IL6ST: variants seen among roughly 807,000 people sequenced by gnomAD.
The protein encoded by IL6ST is interleukin-6 receptor subunit beta.
IL6ST carries 24 observed loss-of-function variants against 91.3 expected under a neutral mutation model. That is an observed-to-expected ratio of 0.26 (90% CI 0.19 to 0.37). IL6ST has a LOEUF of 0.37. IL6ST is among the 10% of genes least tolerant of loss of function. The pLI is 1.00. For synonymous variants in IL6ST, 351 were observed against 373.6 expected, an observed-to-expected ratio of 0.94 and a Z score of 0.70; for missense variants, 914 against 1,078.5, an observed-to-expected ratio of 0.85 and a Z score of 2.14.
intron 14 of IL6ST, among the ~76,000 whole-genome samples, chr5:55,950,426 C>T (rs1482792143): frequency 5.4e-5 from 8 of 147,274 alleles, no homozygotes; most frequent in East Asian, 2.1e-4. Flanking sequence ...ACCCCAGCTA[C>T]GTGGGAGGCT....
rs1750508112 is a variant in IL6ST at position 55,936,105 on chromosome 5, T to C, written c.*4977A>G. The C allele has an allele frequency of 4.4e-6, 1 of 228,610 alleles. No homozygotes were observed. The highest frequency in any genetic ancestry group is 2.2e-5 in the African/African-American group (1 of 45,086). The allele number at this position is 228,610 out of a possible 1,614,324, so 14.2% of individuals were successfully genotyped here. ...TACATTTTTTTAGACAAAATCACAA[T>C]GTGAAGGCACATTAATAGTTGAGAT... On this transcript the variant is annotated 3_prime_UTR_variant, in exon 17 of 17. Coordinates refer to ENST00000381298, the MANE Select transcript of IL6ST (RefSeq NM_002184.4).
rs1046072990 is a variant in IL6ST, at chr5:55,960,476, C to T, written c.899G>A (p.Arg300His). 8 of 1,613,814 alleles carry T rather than the reference C, an allele frequency of 5.0e-6. No homozygotes were observed. Among genetic ancestry groups the T allele is most frequent in the Non-Finnish European group, 6.8e-6 (8 of 1,179,884 alleles). Residue 300 changes from arginine (R) to histidine (H), a missense_variant, in exon 8 of 17, where the codon CGC becomes CAC. Arg to His is a conservative substitution (Grantham distance 29). Transcript: ENST00000381298. Reference sequence around the variant, plus strand: ...TCCCTTACCATCTTCCTTCATACAGCGAATCCTAAACACATATTCTGTAAA... The same window carrying T: ...TCCCTTACCATCTTCCTTCATACAGTGAATCCTAAACACATATTCTGTAAA... ...KPFTEYVFRI[R>H]CMKEDGKGYW...
Position 55,957,233 on chromosome 5 carries a change from GTA to G in IL6ST, c.1030_1031del (p.Tyr344GlnfsTer14). ...YKIDPSHTQGYRTVQLVWKTL... is the reference protein window; with the variant it reads ...YKIDPSHTQGXRTVQLVWKTL... ...CCTTCCACACGAGTTGTACAGTTCT[GTA>G]GCCTTGAGTATGGGATGGATCTATT... On this transcript the variant is annotated frameshift_variant, in exon 9 of 17. Coordinates refer to ENST00000381298, the MANE Select transcript of IL6ST (RefSeq NM_002184.4). LOFTEE classifies it high-confidence loss of function. 6.4e-7 allele frequency: 1 copy of G among 1,556,732 alleles called. No individual in the cohort carries two copies. Among genetic ancestry groups the G allele is most frequent in the South Asian group, 1.2e-5 (1 of 84,766 alleles).
rs1405111670 is a variant in IL6ST, at chr5:55,940,094, G to A, written c.*988C>T. The stretch of plus-strand genomic sequence containing the variant: ...ACTGTATAAAGTGTTCATCTACCCA[G>A]TACTCTGAAGTCTTAAGAAAAGTCA... On this transcript the variant is annotated 3_prime_UTR_variant, in exon 17 of 17. Coordinates refer to ENST00000381298, the MANE Select transcript of IL6ST (RefSeq NM_002184.4). 2 of 196,380 alleles carry A rather than the reference G, an allele frequency of 1.0e-5. No individual in the cohort carries two copies. Among genetic ancestry groups the A allele is most frequent in the African/African-American group, 4.6e-5 (2 of 43,092 alleles). The allele number at this position is 196,380 out of a possible 1,614,324, so 12.2% of individuals were successfully genotyped here.
rs1000725475 is a variant in IL6ST, at chr5:55,976,296, G to C, written c.-15-3C>G. 1.3e-6 allele frequency: 2 copies of C among 1,549,748 alleles called. No homozygotes were observed. The highest frequency in any genetic ancestry group is 2.8e-5 in the African/African-American group (2 of 72,502). Reference sequence around the variant, plus strand: ...GTCAACATCTTGCGCGGATATTTCTGCAACAGACACATGTAATATTACTTT... The same window carrying C: ...GTCAACATCTTGCGCGGATATTTCTCCAACAGACACATGTAATATTACTTT... On this transcript the variant is annotated splice_polypyrimidine_tract_variant and splice_region_variant and intron_variant, in intron 2 of 16. Transcript: ENST00000381298.
Position 55,939,597 on chromosome 5 carries a change from T to C in IL6ST, c.*1485A>G, listed in dbSNP as rs10940492. 16,853 of 203,034 alleles carry C rather than the reference T, an allele frequency of 0.083. 959 individuals carry two copies. Among genetic ancestry groups the C allele is most frequent in the Middle Eastern group, 0.13 (76 of 606 alleles). 12.6% of individuals were successfully genotyped at this position (203,034 alleles called of 1,614,324 possible). On this transcript the variant is annotated 3_prime_UTR_variant, in exon 17 of 17. Coordinates refer to ENST00000381298, the MANE Select transcript of IL6ST (RefSeq NM_002184.4). The stretch of plus-strand genomic sequence containing the variant: ...AACTTAAATATGGCATAAAAACCTG[T>C]TTCCTTTGAATTCACTTGATAGCAG...
rs1750798217 is a variant in IL6ST, at chr5:55,940,133, G to GTATACGTGTGTGTA, written c.*948_*949insTACACACACGTATA. The GTATACGTGTGTGTA allele has an allele frequency of 5.5e-6, 1 of 182,056 alleles. No homozygotes were observed. The highest frequency in any genetic ancestry group is 3.2e-5 in the African/African-American group (1 of 31,274). The allele number at this position is 182,056 out of a possible 1,614,324, so 11.3% of individuals were successfully genotyped here. On this transcript the variant is annotated 3_prime_UTR_variant, in exon 17 of 17. Coordinates refer to ENST00000381298, the MANE Select transcript of IL6ST (RefSeq NM_002184.4). ...TAAGAAAAGTCAATGATATGTGTGT[G>GTATACGTGTGTGTA]TATATATATATATATATATACACAC... is the stretch of plus-strand genomic sequence containing the variant.
At chr5:55,982,225 A>T (rs1753713403) in intron 2 of IL6ST, among the ~76,000 whole-genome samples, 1 of 152,142 alleles carries the variant, frequency 6.6e-6, no homozygotes, top group Non-Finnish European at 1.5e-5. Context: ...TAACCTAAGG[A>T]TGAAATAAAA....
chr5:55,968,606 C>G (rs1752774874), intron 4 of IL6ST, among the ~76,000 whole-genome samples: 1 of 152,192 alleles, frequency 6.6e-6, no homozygotes, highest in Non-Finnish European at 1.5e-5. Context: ...TACATCCATC[C>G]TAACTGTCAT....
intron 15 of IL6ST, among the ~76,000 whole-genome samples, chr5:55,945,332 T>A (rs1454534525): frequency 6.6e-6 from 1 of 152,086 alleles, no homozygotes; most frequent in African/African-American, 2.4e-5. Context: ...AGTGAGAGTA[T>A]GGAAATAGAT....
rs1332047328 is a variant in IL6ST at position 55,939,117 on chromosome 5, A to G, written c.*1965T>C. ...GTCATGTGACTTAAATTTTGAGAAAATGGAAAATGTAATAGGTATAAATTT... is the reference window on the plus strand; with the variant it reads ...GTCATGTGACTTAAATTTTGAGAAAGTGGAAAATGTAATAGGTATAAATTT... On this transcript the variant is annotated 3_prime_UTR_variant, in exon 17 of 17. Transcript: ENST00000381298. The G allele has an allele frequency of 2.9e-5, 6 of 207,898 alleles. No individual in the cohort carries two copies. The highest frequency in any genetic ancestry group is 5.9e-5 in the Admixed American group (1 of 16,894). The allele number at this position is 207,898 out of a possible 1,614,324, so 12.9% of individuals were successfully genotyped here. A position where few individuals can be genotyped will look rare whatever the true frequency, so the allele number is the denominator to read the frequency against.
chr5:55,989,090 T>C (rs1754161612), intron 1 of IL6ST, among the ~76,000 whole-genome samples: 1 of 150,104 alleles, frequency 6.7e-6, no homozygotes, highest in Admixed American at 6.6e-5. Context: ...AGCCAAGATC[T>C]TGCCATTGTA....
At chr5:55,959,050 G>C (rs916182823) in intron 8 of IL6ST, among the ~76,000 whole-genome samples, 3 of 151,682 alleles carry the variant, frequency 2.0e-5, no homozygotes, top group Admixed American at 6.6e-5. Flanking sequence ...ATTATGAGCT[G>C]GAAATATTTC....
rs1411463912 is a variant in IL6ST, at chr5:55,941,572, G to A, written c.2267C>T (p.Thr756Ile). ...GTGTACCACGGTAGAATACTGGACA[G>A]TGCTCGAAGTGTTTTGTGAAGATTC... The part of the protein sequence containing the change: ...ENESSQNTSS[T>I]VQYSTVVHSG... Residue 756 changes from threonine to isoleucine, a missense_variant, in exon 17 of 17, where the codon ACT becomes ATT. Coordinates refer to ENST00000381298, the MANE Select transcript of IL6ST (RefSeq NM_002184.4). The A allele has an allele frequency of 4.3e-6, 7 of 1,614,108 alleles. No homozygotes were observed. In the Admixed American group the frequency reaches 6.7e-5, roughly 15 times the overall value.
At chr5:55,965,705 A>C (rs1029809372) in intron 5 of IL6ST, among the ~76,000 whole-genome samples, 3 of 151,880 alleles carry the variant, frequency 2.0e-5, no homozygotes, top group African/African-American at 4.8e-5. Context: ...CAAGACGATG[A>C]ATGAGCCGGG....
chr5:55,976,318 C>A, intron 2 of IL6ST, 25 bp from the exon 3 acceptor site: 1 of 1,385,694 alleles, frequency 7.2e-7, no homozygotes, highest in South Asian at 1.3e-5. Context: ...TGTAATATTA[C>A]TTTTAATATT....
chr5:55,965,945 C>T (rs1055519729), intron 5 of IL6ST, among the ~76,000 whole-genome samples: 1 of 151,802 alleles, frequency 6.6e-6, no homozygotes, highest in African/African-American at 2.4e-5. Context: ...GAAAGAAAAG[C>T]CCTCATTATT....
intron 5 of IL6ST, among the ~76,000 whole-genome samples, chr5:55,965,107 C>A (rs1752559120): frequency 6.6e-6 from 1 of 152,016 alleles, no homozygotes; most frequent in South Asian, 2.1e-4. Context: ...AACTTGTGTA[C>A]TGAGTATGTA....
intron 1 of IL6ST, among the ~76,000 whole-genome samples, chr5:55,991,743 TAA>T (rs74490662): frequency 6.4e-5 from 9 of 139,640 alleles, no homozygotes; most frequent in Admixed American, 7.2e-5. Flanking sequence ...TTCTCTATTC[TAA>T]AAAAAAAAAA....
Sources: gnomAD v4.1 joint callset for allele counts (sites outside exome capture counted in the v4.1 genomes callset) on GRCh38, gnomAD v4.1.1 for gene constraint, MANE v1.5 for transcripts, NCBI Gene and HGNC (gene_info 2026-07-23, HGNC 2026-07-21) for gene names.